ELMO1: variants seen among roughly 807,000 people sequenced by gnomAD.
The protein encoded by ELMO1 is engulfment and cell motility protein 1.
In ELMO1, 26 loss-of-function variants were observed where a neutral mutation model predicts 98.9. The observed-to-expected ratio is 0.26, with a 90% confidence interval of 0.19 to 0.36. The LOEUF is 0.36. ELMO1 is among the 10% of genes least tolerant of loss of function. The pLI is 1.00. For synonymous variants in ELMO1, 346 were observed against 346.0 expected (o/e 1.00, Z 0.00); for missense variants, 627 against 935.2 (o/e 0.67, Z 4.30).
chr7:37,130,542 C>A (rs928367551), intron 14 of ELMO1, among the ~76,000 whole-genome samples: 36 of 152,178 alleles, frequency 2.4e-4, no homozygotes, highest in African/African-American at 7.7e-4. Flanking sequence ...GCCAACGAGA[C>A]AAAGGATGAG....
Position 36,932,617 on chromosome 7 carries a change from T to C in ELMO1, c.1438-37600A>G, listed in dbSNP as rs544730426. On this transcript the variant is annotated intron_variant, in intron 16 of 21. Transcript: ENST00000310758. ...CAAAGCTGGAAGGTTCTATGGAGTCTTATGCTTCTGTAACTGAAGAAAAAG... is the reference window on the plus strand; with the variant it reads ...CAAAGCTGGAAGGTTCTATGGAGTCCTATGCTTCTGTAACTGAAGAAAAAG... 2.6e-5 allele frequency among the ~76,000 whole-genome samples: 4 copies of C among 152,336 alleles called. No homozygotes were observed. The East Asian group carries it at 5.8e-4, about 22-fold the overall frequency.
intron 16 of ELMO1, among the ~76,000 whole-genome samples, chr7:36,983,807 C>G (rs1791273775): frequency 6.6e-6 from 1 of 152,124 alleles, no homozygotes; most frequent in Non-Finnish European, 1.5e-5. Context: ...TCCCCCAGGA[C>G]AGGGATCTTG....
chr7:36,871,877 C>T (rs1803536811), intron 19 of ELMO1, among the ~76,000 whole-genome samples: 1 of 152,146 alleles, frequency 6.6e-6, no homozygotes, highest in South Asian at 2.1e-4. Context: ...AAATTACTAA[C>T]AACTTTGTCC....
At chr7:37,360,424 T>TAA (rs1237639158) in intron 1 of ELMO1, among the ~76,000 whole-genome samples, 1 of 142,550 alleles carries the variant, frequency 7.0e-6, no homozygotes. Context: ...AACTGAAATT[T>TAA]TAAAAAAAAA....
chr7:37,244,233 CA>C, intron 7 of ELMO1, 122 bp downstream of exon 7: 1 of 1,031,826 alleles, frequency 9.7e-7, no homozygotes, highest in Non-Finnish European at 1.4e-6. Context: ...ACAAAAATAA[CA>C]AAAAATCACT....
intron 1 of ELMO1, among the ~76,000 whole-genome samples, chr7:37,388,829 C>T (rs1326504392): frequency 6.6e-6 from 1 of 151,992 alleles, no homozygotes; most frequent in Non-Finnish European, 1.5e-5. Context: ...ATAAAAATAC[C>T]GCCGTCACCT....
chr7:37,389,994 T>C (rs982346538), intron 1 of ELMO1, among the ~76,000 whole-genome samples: 75 of 152,064 alleles, frequency 4.9e-4, no homozygotes, highest in Non-Finnish European at 1.6e-4. Flanking sequence ...ATTCAGATTC[T>C]CTAGCGCTTT....
intron 15 of ELMO1, among the ~76,000 whole-genome samples, chr7:37,071,975 G>T (rs1170571105): frequency 6.6e-6 from 1 of 152,128 alleles, no homozygotes; most frequent in Non-Finnish European, 1.5e-5. Flanking sequence ...CTCTTCAGCT[G>T]GGAGCTGAAG....
At chr7:36,925,798 C>A (rs1785521524) in intron 16 of ELMO1, among the ~76,000 whole-genome samples, 1 of 152,196 alleles carries the variant, frequency 6.6e-6, no homozygotes, top group East Asian at 1.9e-4. Context: ...AATTTTCTTC[C>A]AACAAATGTC....
chr7:36,934,248 C>T (rs1165143156), intron 16 of ELMO1, among the ~76,000 whole-genome samples: 1 of 152,224 alleles, frequency 6.6e-6, no homozygotes, highest in Non-Finnish European at 1.5e-5. Flanking sequence ...CTTCCCACAA[C>T]CAAGACAATG....
chr7:37,161,715 C>T (rs4720237), intron 13 of ELMO1, among the ~76,000 whole-genome samples: 137,529 of 150,248 alleles, frequency 0.92, 63,348 homozygotes, highest in Non-Finnish European at 0.97. Context: ...CAATTCAAAA[C>T]TCATGACCCT....
At chr7:37,266,193 G>A (rs977655924) in intron 5 of ELMO1, among the ~76,000 whole-genome samples, 1 of 152,064 alleles carries the variant, frequency 6.6e-6, no homozygotes, top group African/African-American at 2.4e-5. Flanking sequence ...AGAATTTAAG[G>A]CATGTTACAA....
Position 36,997,326 on chromosome 7 carries a change from T to G in ELMO1, c.1437+15973A>C, listed in dbSNP as rs1792295834. ...ACAACACCTTTAGATTTTCTTTTGG[T>G]GGTATTTATGGCCTGACAAAAGCCA... On this transcript the variant is annotated intron_variant, in intron 16 of 21. Coordinates refer to ENST00000310758, the MANE Select transcript of ELMO1 (RefSeq NM_014800.11). Among the ~76,000 whole-genome samples, 3 of 152,264 alleles carry G rather than the reference T, an allele frequency of 2.0e-5. No homozygotes were observed. In the South Asian group the frequency reaches 6.2e-4, roughly 32 times the overall value.
chr7:37,073,130 A>G (rs988084092), intron 15 of ELMO1, among the ~76,000 whole-genome samples: 1 of 152,246 alleles, frequency 6.6e-6, no homozygotes, highest in African/African-American at 2.4e-5. Flanking sequence ...CTGGTGGTAG[A>G]TATAGCCAGA....
At chr7:37,319,726 A>G (rs1266934862) in intron 2 of ELMO1, among the ~76,000 whole-genome samples, 1 of 152,162 alleles carries the variant, frequency 6.6e-6, no homozygotes, top group Non-Finnish European at 1.5e-5. Flanking sequence ...ACATTCTGTG[A>G]CATACACATT....
rs187247866 is a variant in ELMO1, at chr7:36,942,041, G to C, written c.1438-47024C>G. ...GTGCTGAATGATTTCCAGGGAGCAA[G>C]AGTTTTAGAGGTAGAGGTTAACATT... On this transcript the variant is annotated intron_variant, in intron 16 of 21. Transcript: ENST00000310758. Among the ~76,000 whole-genome samples, 429 of 152,306 alleles carry C rather than the reference G, an allele frequency of 2.8e-3. 5 individuals carry two copies. The highest frequency in any genetic ancestry group is 9.8e-3 in the African/African-American group (409 of 41,544).
intron 13 of ELMO1, among the ~76,000 whole-genome samples, chr7:37,161,875 A>C (rs1789224664): frequency 8.8e-6 from 1 of 113,638 alleles, no homozygotes; most frequent in Admixed American, 1.1e-4. Context: ...GGCTTCCACT[A>C]AGGCATTATA....
intron 1 of ELMO1, among the ~76,000 whole-genome samples, chr7:37,398,830 G>T (rs1327077678): frequency 6.6e-6 from 1 of 152,126 alleles, no homozygotes. Context: ...TACAATGTGG[G>T]GCCCTCCTTC....
At chr7:36,908,892 A>C (rs1784150844) in intron 16 of ELMO1, among the ~76,000 whole-genome samples, 1 of 152,218 alleles carries the variant, frequency 6.6e-6, no homozygotes, top group South Asian at 2.1e-4. Flanking sequence ...GGTGTTTACT[A>C]AGCATGGGCA....
Sources: gnomAD v4.1 joint callset for allele counts (sites outside exome capture counted in the v4.1 genomes callset) on GRCh38, gnomAD v4.1.1 for gene constraint, MANE v1.5 for transcripts, NCBI Gene and HGNC (gene_info 2026-07-23, HGNC 2026-07-21) for gene names.